Variants in IL31RA observed in about 807,000 individuals in gnomAD.
IL31RA encodes the protein interleukin-31 receptor subunit alpha.
A neutral mutation model predicts 83.7 loss-of-function variants in IL31RA; 66 were observed. The ratio of observed to expected loss-of-function variants is 0.79; its 90% confidence interval spans 0.65 to 0.97. IL31RA has a LOEUF of 0.97. Among genes scored for constraint, IL31RA ranks in the 50% least tolerant of loss-of-function variants. The probability of loss-of-function intolerance (pLI) is 0.00; values close to 1 mark genes in which losing one functional copy is unlikely to be tolerated. For synonymous variants in IL31RA, 325 were observed against 329.0 expected (o/e 0.99, Z 0.13); for missense variants, 798 against 919.4 (o/e 0.87, Z 1.71).
At chr5:55,883,290 T>G (rs771694430) in intron 5 of IL31RA, 95 bp downstream of exon 5, 1 of 1,149,868 alleles carries the variant, frequency 8.7e-7, no homozygotes, top group Non-Finnish European at 1.3e-6. Flanking sequence ...ATTTCACTTT[T>G]TACATTAAAA....
At position 55,872,347 on chromosome 5, in the gene IL31RA, T is replaced by A. The variant is rs1346228965; in HGVS notation, c.350T>A (p.Leu117His). ...SENRASCSFF[L>H]PRITIPDNYT... ...AATCGTGCTTCGTGCTCTTTTTTCC[T>A]TCCAAGAATAACGATCCCAGATAAT... Residue 117 changes from leucine (L) to histidine (H), a missense_variant, in exon 4 of 15, where the codon CTT becomes CAT. Leu to His is a moderately conservative substitution (Grantham distance 99, BLOSUM62 -3). Transcript: ENST00000652347. The A allele has an allele frequency of 2.5e-6, 4 of 1,612,530 alleles. No homozygotes were observed. In the East Asian group the frequency reaches 8.9e-5, roughly 36 times the overall value.
intron 13 of IL31RA, 46 bp from the exon 14 acceptor site, chr5:55,914,801 T>C (rs773927996): frequency 7.3e-7 from 1 of 1,362,462 alleles, no homozygotes; most frequent in South Asian, 1.2e-5. Flanking sequence ...ATGGTGCTAA[T>C]GCTTCTTGGA....
chr5:55,891,895 C>A (rs1748030130), intron 6 of IL31RA, among the ~76,000 whole-genome samples: 1 of 150,486 alleles, frequency 6.6e-6, no homozygotes, highest in Admixed American at 6.7e-5. Context: ...CCTGCCTCAG[C>A]CTCCCGAGTT....
chr5:55,915,677 C>A (rs1245070839), intron 14 of IL31RA, among the ~76,000 whole-genome samples: 1 of 152,120 alleles, frequency 6.6e-6, no homozygotes, highest in Non-Finnish European at 1.5e-5. Context: ...TTATAATGGG[C>A]TTTCTTTCTG....
At chr5:55,875,668 TTAAAA>T (rs1194266793) in intron 4 of IL31RA, among the ~76,000 whole-genome samples, 2 of 152,216 alleles carry the variant, frequency 1.3e-5, no homozygotes, top group Non-Finnish European at 1.5e-5. Context: ...TTTTACTTTC[TTAAAA>T]TAAATGTATT....
rs374289403 is a variant in IL31RA at position 55,921,975 on chromosome 5, C to T, written c.*4855C>T. ...TGGTGTATTTTGTTAATTGTTTCTA[C>T]GTAAATGTTGATTATTGACAAGCCT... is the stretch of plus-strand genomic sequence containing the variant. On this transcript the variant is annotated 3_prime_UTR_variant, in exon 15 of 15. Coordinates refer to ENST00000652347, the MANE Select transcript of IL31RA (RefSeq NM_139017.7). 1.5e-4 allele frequency among the ~76,000 whole-genome samples: 22 copies of T among 142,546 alleles called. No homozygotes were observed. In the South Asian group the frequency reaches 4.1e-3, roughly 27 times the overall value. 93.5% of individuals were successfully genotyped at this position (142,546 alleles called of 152,430 possible).
rs544958452 is a variant in IL31RA at position 55,864,836 on chromosome 5, A to C, written c.155-3955A>C. Among the ~76,000 whole-genome samples, 4 of 151,512 alleles carry C rather than the reference A, an allele frequency of 2.6e-5. No individual in the cohort carries two copies. The South Asian group carries it at 6.3e-4, about 24-fold the overall frequency. ...CATATACTATGCACACATACTACAC[A>C]TACCACACACATCACACACATACCC... On this transcript the variant is annotated intron_variant, in intron 2 of 14. Coordinates refer to ENST00000652347, the MANE Select transcript of IL31RA (RefSeq NM_139017.7).
chr5:55,893,753 A>G (rs1170816266), intron 6 of IL31RA, among the ~76,000 whole-genome samples: 1 of 152,100 alleles, frequency 6.6e-6, no homozygotes, highest in Admixed American at 6.5e-5. Context: ...GAAAATATCA[A>G]TTTAAACTCA....
intron 5 of IL31RA, among the ~76,000 whole-genome samples, chr5:55,886,864 A>T (rs989542779): frequency 1.3e-5 from 2 of 152,164 alleles, no homozygotes; most frequent in Non-Finnish European, 2.9e-5. Context: ...CACCTTTCAG[A>T]ACTCAGGCCT....
chr5:55,914,044 G>A (rs74425106), intron 13 of IL31RA, among the ~76,000 whole-genome samples: 1 of 152,168 alleles, frequency 6.6e-6, no homozygotes, highest in Non-Finnish European at 1.5e-5. Context: ...AGTGTTGAGG[G>A]TCTGGCTGCA....
chr5:55,849,136 C>T (rs766173638), upstream of IL31RA, among the ~76,000 whole-genome samples: 2 of 151,968 alleles, frequency 1.3e-5, no homozygotes, highest in Non-Finnish European at 2.9e-5. Flanking sequence ...AGACTTACCA[C>T]GAATAACAGC....
At chr5:55,887,616 G>C (rs1747703075) in intron 5 of IL31RA, among the ~76,000 whole-genome samples, 2 of 152,134 alleles carry the variant, frequency 1.3e-5, no homozygotes, top group Admixed American at 6.5e-5. Context: ...GCCGGGCACG[G>C]TGGCTCACGC....
intron 2 of IL31RA, among the ~76,000 whole-genome samples, chr5:55,862,442 C>A (rs1311299410): frequency 6.6e-6 from 1 of 152,082 alleles, no homozygotes; most frequent in Non-Finnish European, 1.5e-5. Context: ...CTCGCTCTGT[C>A]GCCCTGGCTG....
In IL31RA at chr5:55,908,398, T is replaced by C. The variant is rs748057971; in HGVS notation, c.1488T>C (p.Gly496=). ...ACACCATCTTTTACCAAGCTGAAGGTGGAAAAGGATTCTGTAAGCACGCCC... is the reference window on the plus strand; with the variant it reads ...ACACCATCTTTTACCAAGCTGAAGGCGGAAAAGGATTCTGTAAGCACGCCC... ...CNYTIFYQAE[G]GKGFSKTVNS... is the part of the protein sequence containing the mutation. Residue 496 remains glycine, a synonymous_variant, in exon 11 of 15, where the codon GGT becomes GGC. Transcript: ENST00000652347. The C allele has an allele frequency of 1.2e-6, 2 of 1,614,036 alleles. No individual in the cohort carries two copies. The highest frequency in any genetic ancestry group is 1.7e-5 in the Admixed American group (1 of 60,012).
chr5:55,892,943 AC>A (rs1251760223), intron 6 of IL31RA, among the ~76,000 whole-genome samples: 1 of 152,094 alleles, frequency 6.6e-6, no homozygotes, highest in African/African-American at 2.4e-5. Flanking sequence ...ATTAAAATGC[AC>A]CCCCCAGCCA....
At chr5:55,900,178 T>G (rs774534616) in intron 8 of IL31RA, 46 bp downstream of exon 8, 1 of 1,382,446 alleles carries the variant, frequency 7.2e-7, no homozygotes, top group Non-Finnish European at 1.0e-6. Flanking sequence ...GTCCCATCAA[T>G]TGGCCAAGGA....
chr5:55,867,198 T>TG (rs1561543278), intron 2 of IL31RA, among the ~76,000 whole-genome samples: 1 of 20,722 alleles, frequency 4.8e-5, no homozygotes, highest in East Asian at 6.6e-4. Flanking sequence ...TTTGTGTGTG[T>TG]TTGTGTGTGT....
chr5:55,878,884 T>C (rs966080686), intron 4 of IL31RA, among the ~76,000 whole-genome samples: 1 of 152,150 alleles, frequency 6.6e-6, no homozygotes, highest in African/African-American at 2.4e-5. Context: ...ACTTCTGAGC[T>C]CAAGTGATCT....
intron 1 of IL31RA, among the ~76,000 whole-genome samples, chr5:55,854,034 C>T (rs1745209851): frequency 6.6e-6 from 1 of 152,210 alleles, no homozygotes; most frequent in Non-Finnish European, 1.5e-5. Flanking sequence ...GGACAATTTA[C>T]ATGATATCTC....
Sources: allele counts gnomAD v4.1 joint callset (sites outside exome capture counted in the v4.1 genomes callset), GRCh38; gene constraint gnomAD v4.1.1; transcripts MANE v1.5; gene names NCBI Gene and HGNC (gene_info 2026-07-23, HGNC 2026-07-21).